CHD2: variants seen among roughly 807,000 people sequenced by gnomAD.
CHD2 encodes ATP-dependent chromatin remodeler CHD2.
A neutral mutation model predicts 243.9 loss-of-function variants in CHD2; 28 were observed. That is an observed-to-expected ratio of 0.11 (90% CI 0.09 to 0.16). The LOEUF (loss-of-function observed/expected upper bound fraction) is 0.16. Among genes scored for constraint, CHD2 ranks in the 10% least tolerant of loss-of-function variants. The pLI is 1.00. For missense variants in CHD2, 1,386 were observed against 2,209.8 expected, an observed-to-expected ratio of 0.63 and a Z score of 7.47; for synonymous variants, 775 against 779.0, an observed-to-expected ratio of 0.99 and a Z score of 0.09.
chr15:92,984,562 T>C (rs2054016862), intron 25 of CHD2, 62 bp downstream of exon 25: 1 of 1,468,958 alleles, frequency 6.8e-7, no homozygotes, highest in Non-Finnish European at 9.1e-7. Context: ...ACAGAAGTGT[T>C]GATTATTCAA....
At chr15:92,969,430 C>T (rs1354127372) in intron 17 of CHD2, among the ~76,000 whole-genome samples, 1 of 152,208 alleles carries the variant, frequency 6.6e-6, no homozygotes, top group Non-Finnish European at 1.5e-5. Context: ...AACCTCACTT[C>T]TGGGTGTGAC....
Position 92,946,026 on chromosome 15 carries a change from T to A in CHD2, c.1199-12T>A, listed in dbSNP as rs1474100681. 1.9e-6 allele frequency: 3 copies of A among 1,546,586 alleles called. No homozygotes were observed. Among genetic ancestry groups the A allele is most frequent in the Non-Finnish European group, 2.6e-6 (3 of 1,146,764 alleles). On this transcript the variant is annotated splice_polypyrimidine_tract_variant and intron_variant, in intron 11 of 38. Transcript: ENST00000394196. Reference sequence around the variant, plus strand: ...CAGTTGCTAATCTATAAATTTTTTTTATATGAAATAGCTCATAGTCGGAAG... The same window carrying A: ...CAGTTGCTAATCTATAAATTTTTTTAATATGAAATAGCTCATAGTCGGAAG...
intron 16 of CHD2, among the ~76,000 whole-genome samples, chr15:92,959,460 G>A (rs1476264118): frequency 6.6e-6 from 1 of 152,054 alleles, no homozygotes; most frequent in Non-Finnish European, 1.5e-5. Flanking sequence ...ATGTCACACT[G>A]TCTTGATTAA....
At chr15:92,988,927 C>G (rs1459541414) in intron 26 of CHD2, among the ~76,000 whole-genome samples, 1 of 151,402 alleles carries the variant, frequency 6.6e-6, no homozygotes, top group Non-Finnish European at 1.5e-5. Context: ...TTTATAATAG[C>G]TGATTAGCAT....
intron 37 of CHD2, 115 bp from the exon 38 acceptor site, chr15:93,019,897 C>A: frequency 8.0e-7 from 1 of 1,256,432 alleles, no homozygotes; most frequent in Non-Finnish European, 1.1e-6. Context: ...CGTGCCACTG[C>A]ACTCCAGCCT....
Position 92,900,759 on chromosome 15 carries a change from AT to A in CHD2, c.-134del, listed in dbSNP as rs1482202390. ...GAGGATTTTGCCTTTATTTTTAATT[AT>A]TTGGGATCTGATATTTTTCTACTAG... On this transcript the variant is annotated 5_prime_UTR_variant, in exon 1 of 39. Transcript: ENST00000394196. 8 of 395,872 alleles carry A rather than the reference AT, an allele frequency of 2.0e-5. No homozygotes were observed. Among genetic ancestry groups the A allele is most frequent in the Non-Finnish European group, 3.6e-5 (8 of 225,282 alleles). 24.5% of individuals were successfully genotyped at this position (395,872 alleles called of 1,614,324 possible).
chr15:92,921,914 T>G (rs1382586610), intron 2 of CHD2, among the ~76,000 whole-genome samples: 5 of 152,232 alleles, frequency 3.3e-5, no homozygotes, highest in Admixed American at 2.6e-4. Flanking sequence ...CTCCTCTTCC[T>G]TTTTTCTTTC....
chr15:93,015,795 A>G (rs1258593590), intron 37 of CHD2, among the ~76,000 whole-genome samples: 1 of 152,234 alleles, frequency 6.6e-6, no homozygotes, highest in Non-Finnish European at 1.5e-5. Flanking sequence ...ATGCAAATTA[A>G]AAGCACGATG....
In CHD2 at chr15:93,010,410, AT is replaced by A. The variant is rs34163529; in HGVS notation, c.4592+1108del. 2.5e-3 allele frequency among the ~76,000 whole-genome samples: 363 copies of A among 143,048 alleles called. 2 individuals carry two copies. Among genetic ancestry groups the A allele is most frequent in the African/African-American group, 7.0e-3 (269 of 38,442 alleles). The allele number at this position is 143,048 out of a possible 152,430, so 93.8% of individuals were successfully genotyped here. On this transcript the variant is annotated intron_variant, in intron 35 of 38. Transcript: ENST00000394196. Reference sequence around the variant, plus strand: ...ATATTTTAAGAAAACATGACTGGAAATTTTTTTTTTTTTTTTTTTTTAAATG... The same window carrying A: ...ATATTTTAAGAAAACATGACTGGAAATTTTTTTTTTTTTTTTTTTTAAATG...
intron 9 of CHD2, 105 bp downstream of exon 9, chr15:92,943,173 G>A (rs139610936): frequency 1.1e-6 from 1 of 893,390 alleles, no homozygotes; most frequent in East Asian, 2.6e-5. Context: ...CTCAGATTTT[G>A]CTTTGATCAT....
At chr15:92,958,413 C>T (rs1237096990) in intron 16 of CHD2, among the ~76,000 whole-genome samples, 1 of 152,138 alleles carries the variant, frequency 6.6e-6, no homozygotes, top group Non-Finnish European at 1.5e-5. Context: ...AATTTCTATT[C>T]AAATGTTTTG....
chr15:93,002,389 T>A, intron 33 of CHD2, 72 bp downstream of exon 33: 2 of 1,554,402 alleles, frequency 1.3e-6, no homozygotes, highest in South Asian at 2.5e-5. Context: ...AGAAGTAGAA[T>A]GAGATTTGAG....
intron 19 of CHD2, among the ~76,000 whole-genome samples, chr15:92,974,518 C>T (rs2053882389): frequency 6.6e-6 from 1 of 152,056 alleles, no homozygotes; most frequent in Non-Finnish European, 1.5e-5. Flanking sequence ...ATTGGGTGAC[C>T]CGTGGTCCTA....
intron 6 of CHD2, among the ~76,000 whole-genome samples, 158 bp downstream of exon 6, chr15:92,937,783 C>G (rs866101314): frequency 6.6e-6 from 1 of 152,228 alleles, no homozygotes; most frequent in Non-Finnish European, 1.5e-5. Context: ...GCCTACATTG[C>G]AGGTCTTACT....
intron 5 of CHD2, among the ~76,000 whole-genome samples, chr15:92,934,567 A>T (rs2053231892): frequency 3.3e-5 from 5 of 152,212 alleles, no homozygotes. Flanking sequence ...AGTCTTGATA[A>T]GATTTGCATT....
chr15:92,968,803 G>T (rs925423245), intron 17 of CHD2, among the ~76,000 whole-genome samples: 2 of 152,190 alleles, frequency 1.3e-5, no homozygotes, highest in African/African-American at 4.8e-5. Flanking sequence ...GTTTAATTCT[G>T]TTGGAGTTAA....
intron 37 of CHD2, 29 bp downstream of exon 37, chr15:93,014,938 A>T (rs1381882888): frequency 7.6e-6 from 12 of 1,576,362 alleles, no homozygotes; most frequent in Non-Finnish European, 1.0e-5. Context: ...TTTTTAAAAG[A>T]GGTGCCAAAA....
chr15:92,902,999 T>A (rs2052551824), intron 2 of CHD2, among the ~76,000 whole-genome samples: 1 of 152,234 alleles, frequency 6.6e-6, no homozygotes, highest in Non-Finnish European at 1.5e-5. Flanking sequence ...AGGTTACAGC[T>A]GTACATGAAG....
intron 16 of CHD2, among the ~76,000 whole-genome samples, chr15:92,963,065 C>G (rs1432350557): frequency 6.6e-6 from 1 of 152,176 alleles, no homozygotes; most frequent in East Asian, 1.9e-4. Context: ...TTACTTCTTT[C>G]TGTAAGTCTA....
Sources: gnomAD v4.1 joint callset for allele counts (sites outside exome capture counted in the v4.1 genomes callset) on GRCh38, gnomAD v4.1.1 for gene constraint, MANE v1.5 for transcripts, NCBI Gene and HGNC (gene_info 2026-07-23, HGNC 2026-07-21) for gene names.